Variants in DPH6 observed in about 807,000 individuals in gnomAD.
DPH6 encodes the protein diphthamine biosynthesis 6.
A neutral mutation model predicts 38.2 loss-of-function variants in DPH6; 33 were observed. That is an observed-to-expected ratio of 0.86 (90% confidence interval 0.65 to 1.15). The LOEUF (loss-of-function observed/expected upper bound fraction) is 1.15. Among genes scored for constraint, DPH6 ranks in the 50% most tolerant of loss-of-function variants. DPH6 has a pLI of 0.00. For synonymous variants in DPH6, 108 were observed against 103.0 expected (o/e 1.05, Z -0.30); for missense variants, 325 against 320.0 (o/e 1.02, Z -0.12).
In DPH6 at chr15:35,291,511, T is replaced by C. The variant is rs190591674; in HGVS notation, n.201-70929A>G. 4.2e-3 allele frequency among the ~76,000 whole-genome samples: 638 copies of C among 152,328 alleles called. 3 individuals carry two copies. The highest frequency in any genetic ancestry group is 0.015 in the African/African-American group (619 of 41,586). ...CCACAGCATCACACTCTTGTCTTTA[T>C]GGAGGCCTGTTATTTGTTAATTTTT... On this transcript the variant is annotated intron_variant and non_coding_transcript_variant, in intron 3 of 3. Coordinates refer to the DPH6 transcript ENST00000560386.
intron 5 of DPH6, among the ~76,000 whole-genome samples, chr15:35,426,921 G>A (rs1202137961): frequency 6.8e-6 from 1 of 147,824 alleles, no homozygotes; most frequent in East Asian, 2.0e-4. Context: ...TGAACACGTT[G>A]AAAATATCTA....
chr15:35,434,902 T>C (rs899407236), intron 5 of DPH6, among the ~76,000 whole-genome samples: 14 of 151,994 alleles, frequency 9.2e-5, no homozygotes, highest in East Asian at 3.9e-4. Flanking sequence ...GCCTCCCAGA[T>C]AGCTGGGACT....
At chr15:35,156,802 T>C in the DPH6 span, among the ~76,000 whole-genome samples, 3 of 152,104 alleles carry the variant, frequency 2.0e-5, no homozygotes, top group East Asian at 5.8e-4. Flanking sequence ...TGCTCTGTGT[T>C]TATGGAAACT....
intron 3 of DPH6, among the ~76,000 whole-genome samples, chr15:35,535,038 C>G (rs1419231218): frequency 1.3e-5 from 2 of 152,180 alleles, no homozygotes; most frequent in Non-Finnish European, 2.9e-5. Context: ...GACTGGCTAT[C>G]ACCTGGATTA....
At chr15:35,530,811 C>G (rs574589612) in intron 3 of DPH6, among the ~76,000 whole-genome samples, 115 of 152,328 alleles carry the variant, frequency 7.5e-4, no homozygotes, top group South Asian at 6.8e-3. Context: ...TTGACTTTAT[C>G]ATCTGAAAGG....
chr15:35,180,245 A>G, the DPH6 span, among the ~76,000 whole-genome samples: 1 of 152,230 alleles, frequency 6.6e-6, no homozygotes, highest in Non-Finnish European at 1.5e-5. Flanking sequence ...ATAAGTGAAT[A>G]AACTCATTAA....
At chr15:35,178,935 G>A in the DPH6 span, among the ~76,000 whole-genome samples, 5,962 of 152,014 alleles carry the variant, frequency 0.039, 127 homozygotes, top group Middle Eastern at 0.051. Flanking sequence ...GGCCGGATGC[G>A]GTGGCTCACA....
intron 3 of DPH6, among the ~76,000 whole-genome samples, chr15:35,334,536 C>T (rs1026925352): frequency 6.6e-6 from 1 of 151,992 alleles, no homozygotes; most frequent in African/African-American, 2.4e-5. Context: ...AGGTATTCTT[C>T]CTAATGCTTT....
intron 3 of DPH6, among the ~76,000 whole-genome samples, chr15:35,479,892 T>C (rs2054306573): frequency 6.6e-6 from 1 of 152,114 alleles, no homozygotes; most frequent in Non-Finnish European, 1.5e-5. Flanking sequence ...TTAGACAATA[T>C]AATTACAATA....
At chr15:35,527,864 G>T (rs563927431) in intron 3 of DPH6, among the ~76,000 whole-genome samples, 141 of 152,252 alleles carry the variant, frequency 9.3e-4, no homozygotes, top group Non-Finnish European at 1.8e-3. Context: ...GATGGAAAGA[G>T]AAATGTGATT....
intron 5 of DPH6, among the ~76,000 whole-genome samples, chr15:35,440,266 C>A (rs928223982): frequency 3.3e-5 from 5 of 152,174 alleles, no homozygotes; most frequent in Admixed American, 3.3e-4. Context: ...AGAGGGCTAA[C>A]CAAAGCCAAG....
At chr15:35,476,823 C>T (rs2054269751) in intron 3 of DPH6, among the ~76,000 whole-genome samples, 2 of 151,716 alleles carry the variant, frequency 1.3e-5, no homozygotes, top group African/African-American at 4.8e-5. Flanking sequence ...AAACATTCAT[C>T]AAATACAAAG....
At chr15:35,352,747 G>T (rs893848372) in intron 3 of DPH6, among the ~76,000 whole-genome samples, 2 of 152,308 alleles carry the variant, frequency 1.3e-5, no homozygotes, top group African/African-American at 4.8e-5. Flanking sequence ...ACATACGTGT[G>T]CATGTGTCTT....
intron 3 of DPH6, among the ~76,000 whole-genome samples, chr15:35,351,151 T>C (rs2052507108): frequency 1.3e-5 from 2 of 152,174 alleles, no homozygotes; most frequent in Admixed American, 1.3e-4. Context: ...TTTTAAATCC[T>C]TATATGTTCT....
At chr15:35,422,754 TA>T (rs1326453739) in intron 5 of DPH6, among the ~76,000 whole-genome samples, 1 of 151,940 alleles carries the variant, frequency 6.6e-6, no homozygotes, top group Non-Finnish European at 1.5e-5. Flanking sequence ...ACTACCATTC[TA>T]TTCTTTATTT....
At position 35,521,822 on chromosome 15, in the gene DPH6, G is replaced by A. The variant is rs1456406415; in HGVS notation, c.312+16452C>T. 3 of 1,266,552 alleles carry A rather than the reference G, an allele frequency of 2.4e-6. No homozygotes were observed. In the African/African-American group the frequency reaches 4.6e-5, roughly 19 times the overall value. The allele number at this position is 1,266,552 out of a possible 1,614,324, so 78.5% of individuals were successfully genotyped here. ...TACTTAACTACATTGGATAATAGCA[G>A]TGCTCCTAAAGGAGTATAAAAAGCA... On this transcript the variant is annotated intron_variant, in intron 3 of 8. Transcript: ENST00000256538.
rs954624618 is a variant in DPH6, at chr15:35,373,380, T to C, written c.750+141A>G. On this transcript the variant is annotated intron_variant, in intron 8 of 8. Transcript: ENST00000256538. ...ATTTGTAAAATTCTTAGTTATTGAC[T>C]GAGGAGCTGAAAAAAAACCACTAAT... The C allele has an allele frequency of 4.9e-6, 3 of 614,662 alleles. No individual in the cohort carries two copies. In the Admixed American group the frequency reaches 1.1e-4, roughly 23 times the overall value. 38.1% of individuals were successfully genotyped at this position (614,662 alleles called of 1,614,324 possible).
At chr15:35,469,150 T>C (rs1422965291) in intron 3 of DPH6, among the ~76,000 whole-genome samples, 4 of 152,086 alleles carry the variant, frequency 2.6e-5, no homozygotes, top group African/African-American at 9.7e-5. Context: ...TGTACCACAC[T>C]TTGTAGGCCA....
At chr15:35,397,995 A>T (rs532064176) in intron 6 of DPH6, among the ~76,000 whole-genome samples, 2 of 152,200 alleles carry the variant, frequency 1.3e-5, no homozygotes, top group African/African-American at 4.8e-5. Context: ...CCTTCAAGAC[A>T]GGAGAATGGA....
Sources: allele counts gnomAD v4.1 joint callset (sites outside exome capture counted in the v4.1 genomes callset), GRCh38; gene constraint gnomAD v4.1.1; transcripts MANE v1.5; gene names NCBI Gene and HGNC (gene_info 2026-07-23, HGNC 2026-07-21).